HMCN1: variants seen among roughly 807,000 people sequenced by gnomAD.
HMCN1 encodes the protein hemicentin-1.
Under a neutral mutation model 625.9 loss-of-function variants are expected in HMCN1, and 321 were observed. That is an observed-to-expected ratio of 0.51 (90% confidence interval 0.47 to 0.56). The LOEUF is 0.56. Among genes scored for constraint, HMCN1 ranks in the 20% least tolerant of loss-of-function variants. The pLI, the probability that HMCN1 is intolerant of heterozygous loss-of-function variation, is 0.00. For missense variants in HMCN1, 6,588 were observed against 6,887.3 expected (o/e 0.96, Z 1.54); for synonymous variants, 2,425 against 2,417.6 (o/e 1.00, Z -0.09).
At chr1:186,005,192 ATTT>A (rs1293253079) in intron 29 of HMCN1, among the ~76,000 whole-genome samples, 3 of 145,750 alleles carry the variant, frequency 2.1e-5, no homozygotes, top group Non-Finnish European at 3.0e-5. Flanking sequence ...TTTATAAACA[ATTT>A]TTTAATTGTT....
intron 72 of HMCN1, among the ~76,000 whole-genome samples, chr1:186,113,590 C>A (rs950246681): frequency 6.6e-6 from 1 of 152,152 alleles, no homozygotes; most frequent in African/African-American, 2.4e-5. Context: ...TAAAACAGCC[C>A]ACTTTCTGTT....
chr1:185,887,215 ATATGT>A (rs1664715134), intron 4 of HMCN1, among the ~76,000 whole-genome samples: 2 of 152,116 alleles, frequency 1.3e-5, no homozygotes, highest in African/African-American at 4.8e-5. Context: ...TCTTCAGAAA[ATATGT>A]TATGACACAT....
chr1:185,751,657 A>G (rs1654824519), intron 1 of HMCN1, among the ~76,000 whole-genome samples: 1 of 151,576 alleles, frequency 6.6e-6, no homozygotes, highest in Non-Finnish European at 1.5e-5. Flanking sequence ...TCATTCTCTA[A>G]GCCTTTTTAC....
At chr1:185,981,626 C>T (rs1421464324) in intron 17 of HMCN1, among the ~76,000 whole-genome samples, 2 of 152,050 alleles carry the variant, frequency 1.3e-5, no homozygotes, top group Non-Finnish European at 2.9e-5. Context: ...ATTTTTATAT[C>T]TGTCAGTACA....
chr1:185,813,049 T>C (rs974943987), intron 1 of HMCN1, among the ~76,000 whole-genome samples: 5 of 152,174 alleles, frequency 3.3e-5, no homozygotes, highest in African/African-American at 1.2e-4. Flanking sequence ...AATAGATACT[T>C]GTTCAACTTT....
Position 186,078,148 on chromosome 1 carries a change from G to C in HMCN1, c.8527G>C (p.Ala2843Pro). 1 of 1,613,866 alleles carries C rather than the reference G, an allele frequency of 6.2e-7. No individual in the cohort carries two copies. The change falls in exon 55 of 107, where the codon GCT becomes CCT. Residue 2843 changes from alanine to proline, a missense_variant. This residue lies in a region of HMCN1 where 4,628 missense variants were observed against 4,853.1 expected (regional missense o/e 0.95). Coordinates refer to ENST00000271588, the MANE Select transcript of HMCN1 (RefSeq NM_031935.3). ...GATTCCTCGGGCTAAAGTAGAAGAT[G>C]CTGGGAGATACACATGTGTGGCTGT... Reference protein sequence around the residue: ...LQIPRAKVEDAGRYTCVAVNE... With the variant: ...LQIPRAKVEDPGRYTCVAVNE...
intron 89 of HMCN1, among the ~76,000 whole-genome samples, chr1:186,138,851 G>C (rs1649783168): frequency 6.6e-6 from 1 of 152,186 alleles, no homozygotes; most frequent in African/African-American, 2.4e-5. Flanking sequence ...AGTGTAAAGA[G>C]TGTTGAGAAA....
intron 1 of HMCN1, among the ~76,000 whole-genome samples, chr1:185,740,300 T>C (rs1653894831): frequency 6.6e-6 from 1 of 152,002 alleles, no homozygotes; most frequent in African/African-American, 2.4e-5. Context: ...CAGGACACTA[T>C]TGTATAATTC....
At chr1:185,964,792 GT>G (rs1157779438) in intron 13 of HMCN1, among the ~76,000 whole-genome samples, 1 of 152,110 alleles carries the variant, frequency 6.6e-6, no homozygotes, top group Non-Finnish European at 1.5e-5. Flanking sequence ...GGAGGAATGA[GT>G]GGGATTTGAA....
chr1:185,768,559 G>C (rs1382076138), intron 1 of HMCN1, among the ~76,000 whole-genome samples: 1 of 152,182 alleles, frequency 6.6e-6, no homozygotes, highest in East Asian at 1.9e-4. Flanking sequence ...ATACACTTAA[G>C]GAATGTGTTC....
At chr1:185,973,471 G>T (rs767978844) in intron 15 of HMCN1, among the ~76,000 whole-genome samples, 2 of 151,660 alleles carry the variant, frequency 1.3e-5, no homozygotes, top group Non-Finnish European at 2.9e-5. Flanking sequence ...AAAACTATTG[G>T]GCATAAATTT....
chr1:185,968,405 A>C lies in HMCN1; in HGVS notation c.2213-1930A>C, dbSNP rs1449119886. 2.6e-5 allele frequency among the ~76,000 whole-genome samples: 4 copies of C among 151,830 alleles called. 1 individual carries two copies. Among genetic ancestry groups the C allele is most frequent in the African/African-American group, 7.2e-5 (3 of 41,414 alleles). On this transcript the variant is annotated intron_variant, in intron 14 of 106. Transcript: ENST00000271588. ...ACAATTTTAAAAATATAATATGTTC[A>C]TTATGCTAAAATGTCATGCATTTAT...
chr1:186,123,360 T>G (rs531311124), intron 81 of HMCN1, 140 bp downstream of exon 81: 5 of 995,810 alleles, frequency 5.0e-6, no homozygotes, highest in African/African-American at 1.6e-5. Context: ...GGTGTGTAGG[T>G]GCACTTCAAA....
chr1:186,074,806 T>C lies in HMCN1; in HGVS notation c.8205T>C (p.Ala2735=). Residue 2735 remains alanine, a synonymous_variant, in exon 53 of 107, where the codon GCT becomes GCC. Coordinates refer to ENST00000271588, the MANE Select transcript of HMCN1 (RefSeq NM_031935.3). Reference sequence around the variant, plus strand: ...GACACACACTTCAAATAAAGGAGGCTCAAATATCAGACACCGGACGATATA... The same window carrying C: ...GACACACACTTCAAATAAAGGAGGCCCAAATATCAGACACCGGACGATATA... The part of the protein sequence containing the change: ...ANGHTLQIKE[A]QISDTGRYTC... The C allele has an allele frequency of 6.2e-7, 1 of 1,613,042 alleles. No individual in the cohort carries two copies. The highest frequency in any genetic ancestry group is 8.5e-7 in the Non-Finnish European group (1 of 1,179,318).
In HMCN1 at chr1:186,053,901, T is replaced by C; in HGVS notation, c.6777T>C (p.Ala2259=). 6.2e-7 allele frequency: 1 copy of C among 1,612,786 alleles called. No homozygotes were observed. Among genetic ancestry groups the C allele is most frequent in the Non-Finnish European group, 8.5e-7 (1 of 1,179,244 alleles). The change falls in exon 44 of 107, where the codon GCT becomes GCC. Residue 2259 remains alanine, a synonymous_variant. Coordinates refer to ENST00000271588, the MANE Select transcript of HMCN1 (RefSeq NM_031935.3). ...SGGRQLQISI[A]EKSDAALYSC... The stretch of plus-strand genomic sequence containing the variant: ...GCAGGCAATTACAAATTTCAATTGC[T>C]GAAAAGTCTGATGCAGCACTCTATT...
intron 4 of HMCN1, among the ~76,000 whole-genome samples, chr1:185,896,656 A>G (rs1665506294): frequency 1.3e-5 from 2 of 152,222 alleles, no homozygotes; most frequent in East Asian, 1.9e-4. Flanking sequence ...GGATGCCTCA[A>G]AACTTTGGTC....
chr1:185,973,087 T>G (rs1650943198), intron 15 of HMCN1, among the ~76,000 whole-genome samples: 1 of 152,148 alleles, frequency 6.6e-6, no homozygotes, highest in African/African-American at 2.4e-5. Context: ...ATGGGTTTTC[T>G]GCCTAAACTT....
chr1:186,141,228 G>A (rs1649935866), intron 89 of HMCN1, among the ~76,000 whole-genome samples: 2 of 152,156 alleles, frequency 1.3e-5, no homozygotes, highest in Admixed American at 1.3e-4. Flanking sequence ...GGGAGTAGCT[G>A]TAAATACAGA....
chr1:186,139,223 G>A (rs1040867677), intron 89 of HMCN1, among the ~76,000 whole-genome samples: 14 of 152,182 alleles, frequency 9.2e-5, no homozygotes, highest in African/African-American at 3.4e-4. Context: ...TCAAAGTTTT[G>A]AACTCAGGTT....
Sources: gnomAD v4.1 joint callset for allele counts (sites outside exome capture counted in the v4.1 genomes callset) on GRCh38, gnomAD v4.1.1 for gene constraint, gnomAD v4.1.1 regional missense constraint, MANE v1.5 for transcripts, NCBI Gene and HGNC (gene_info 2026-07-23, HGNC 2026-07-21) for gene names.